Variants in PAIP2 observed in about 807,000 individuals in gnomAD.
PAIP2 encodes the protein poly(A) binding protein interacting protein 2, also known as polyadenylate-binding protein-interacting protein 2.
In PAIP2, 7 loss-of-function variants were observed where a neutral mutation model predicts 14.8. The ratio of observed to expected loss-of-function variants is 0.47; its 90% CI spans 0.27 to 0.89. PAIP2 has a LOEUF of 0.89. Ranked by LOEUF, PAIP2 falls within the 40% of genes least tolerant of loss-of-function variation. The probability of loss-of-function intolerance (pLI) is 0.13; values close to 1 mark genes in which losing one functional copy is unlikely to be tolerated. For missense variants in PAIP2, 122 were observed against 154.7 expected, an observed-to-expected ratio of 0.79 and a Z score of 1.12; for synonymous variants, 47 against 45.3, an observed-to-expected ratio of 1.04 and a Z score of -0.15.
chr5:139,347,542 G>C (rs949216563), intron 1 of PAIP2, among the ~76,000 whole-genome samples: 15 of 152,010 alleles, frequency 9.9e-5, no homozygotes, highest in Admixed American at 9.8e-4. Context: ...CCAAAGTGGT[G>C]GGATTACAGG....
At chr5:139,363,685 G>T in intron 1 of PAIP2, 74 bp from the exon 2 acceptor site, 1 of 1,323,984 alleles carries the variant, frequency 7.6e-7, no homozygotes. Flanking sequence ...CCTGGATGAC[G>T]GAGTGAAACC....
intron 3 of PAIP2, among the ~76,000 whole-genome samples, chr5:139,365,271 A>G (rs1014319840): frequency 1.3e-5 from 2 of 152,032 alleles, no homozygotes; most frequent in Non-Finnish European, 2.9e-5. Flanking sequence ...GGATCACCTG[A>G]GGTCAGGAGT....
At chr5:139,347,197 C>G (rs1429391475) in intron 1 of PAIP2, among the ~76,000 whole-genome samples, 1 of 149,956 alleles carries the variant, frequency 6.7e-6, no homozygotes, top group East Asian at 2.0e-4. Context: ...ACAGGAAGCA[C>G]AGACATCTCA....
intron 1 of PAIP2, among the ~76,000 whole-genome samples, chr5:139,352,827 A>C (rs958966020): frequency 2.6e-5 from 4 of 151,162 alleles, no homozygotes; most frequent in Admixed American, 6.6e-5. Context: ...TAAGATAGTA[A>C]CAGATGAGGC....
chr5:139,364,882 C>T (rs1005947015), intron 3 of PAIP2, 139 bp downstream of exon 3: 15 of 591,536 alleles, frequency 2.5e-5, no homozygotes, highest in Admixed American at 3.2e-5. Context: ...ATGTGGCTCA[C>T]GCCTGTAATC....
In PAIP2 at chr5:139,364,489, A is replaced by T. The variant is rs1026853563; in HGVS notation, c.139-75A>T. 12 of 829,654 alleles carry T rather than the reference A, an allele frequency of 1.4e-5. No individual in the cohort carries two copies. In the African/African-American group the frequency reaches 2.1e-4, roughly 14 times the overall value. 51.4% of individuals were successfully genotyped at this position (829,654 alleles called of 1,614,324 possible). On this transcript the variant is annotated intron_variant, in intron 2 of 3. Transcript: ENST00000265192. ...ATGACTTTGTGCCTTTAAATGGTTT[A>T]GTTCAAGATATTTTAAGCCATTCCT...
At chr5:139,346,688 T>C (rs1033969747) in intron 1 of PAIP2, among the ~76,000 whole-genome samples, 3 of 149,372 alleles carry the variant, frequency 2.0e-5, no homozygotes, top group Non-Finnish European at 3.0e-5. Flanking sequence ...TGCACCTCCA[T>C]GTCCAGCTAA....
chr5:139,362,661 C>T (rs1462385597), intron 1 of PAIP2, among the ~76,000 whole-genome samples: 3 of 151,888 alleles, frequency 2.0e-5, no homozygotes, highest in South Asian at 2.1e-4. Flanking sequence ...CCACCTGCCT[C>T]GGCCTCCCAA....
At position 139,369,606 on chromosome 5, in the gene PAIP2, G is replaced by A. The variant is rs989144903; in HGVS notation, c.*808G>A. On this transcript the variant is annotated 3_prime_UTR_variant, in exon 4 of 4. Transcript: ENST00000265192. ...TTGGCTTCTTAAACTTCATATTTGG[G>A]TAGGTTAAGCTGCCATACGTGTTCA... The A allele has an allele frequency of 4.6e-5, 7 of 152,664 alleles. No individual in the cohort carries two copies. Among genetic ancestry groups the A allele is most frequent in the African/African-American group, 1.7e-4 (7 of 41,544 alleles). The allele number at this position is 152,664 out of a possible 1,614,324, so 9.5% of individuals were successfully genotyped here.
Position 139,351,788 on chromosome 5 carries a change from A to C in PAIP2, c.-27+9808A>C, listed in dbSNP as rs562184514. On this transcript the variant is annotated intron_variant, in intron 1 of 3. Transcript: ENST00000265192. ...ATCCTCCTGTCTCAGCTTTCCAAGT[A>C]ATTGGGTCTACAGGTGAACACCACC... 2.0e-5 allele frequency among the ~76,000 whole-genome samples: 3 copies of C among 152,114 alleles called. No homozygotes were observed. The South Asian group carries it at 6.2e-4, about 32-fold the overall frequency.
intron 1 of PAIP2, chr5:139,343,424 CTT>C (rs372332442): frequency 1.8e-4 from 28 of 152,302 alleles, no homozygotes; most frequent in African/African-American, 6.3e-4. Flanking sequence ...ATTTCACCCT[CTT>C]TTGGTCAGAA....
At chr5:139,364,022 G>C in intron 2 of PAIP2, 100 bp downstream of exon 2, 1 of 993,354 alleles carries the variant, frequency 1.0e-6, no homozygotes, top group Non-Finnish European at 1.5e-6. Flanking sequence ...TATGTATAAA[G>C]TATGTAGACT....
chr5:139,365,462 C>T (rs1359470679), intron 3 of PAIP2, among the ~76,000 whole-genome samples: 2 of 151,514 alleles, frequency 1.3e-5, no homozygotes, highest in Non-Finnish European at 2.9e-5. Flanking sequence ...TGCACTCCAG[C>T]CTGGGCAACA....
chr5:139,355,563 ATACT>A (rs1330255211), intron 1 of PAIP2, among the ~76,000 whole-genome samples: 1 of 152,138 alleles, frequency 6.6e-6, no homozygotes, highest in Non-Finnish European at 1.5e-5. Context: ...CTCTTTTAAC[ATACT>A]TAATATACTT....
At chr5:139,355,250 A>G (rs1340856096) in intron 1 of PAIP2, among the ~76,000 whole-genome samples, 2 of 149,014 alleles carry the variant, frequency 1.3e-5, no homozygotes, top group African/African-American at 5.0e-5. Context: ...GTTCACTGCA[A>G]CCTCCACTTC....
intron 1 of PAIP2, among the ~76,000 whole-genome samples, chr5:139,357,763 A>G (rs1265415040): frequency 6.6e-6 from 1 of 152,156 alleles, no homozygotes; most frequent in Non-Finnish European, 1.5e-5. Context: ...CCTAGGAGGC[A>G]GAGGTTGCAA....
chr5:139,354,462 A>G (rs1274683991), intron 1 of PAIP2, among the ~76,000 whole-genome samples: 3 of 152,104 alleles, frequency 2.0e-5, no homozygotes, highest in South Asian at 2.1e-4. Flanking sequence ...TCTTTCAACA[A>G]TTCGATTGTA....
rs893022306 is a variant in PAIP2 at position 139,342,704 on chromosome 5, C to T, written c.-27+724C>T. On this transcript the variant is annotated intron_variant, in intron 1 of 3. Coordinates refer to ENST00000265192, the MANE Select transcript of PAIP2 (RefSeq NM_016480.5). ...TTTAATAATTTTCTGTGCTTACTCT[C>T]CTCCTTCCCCACCATCGCCACCAGA... The T allele has an allele frequency of 2.2e-4, 33 of 152,298 alleles. 1 individual carries two copies. Among genetic ancestry groups the T allele is most frequent in the African/African-American group, 7.9e-4 (33 of 41,556 alleles). The allele number at this position is 152,298 out of a possible 1,614,324, so 9.4% of individuals were successfully genotyped here. A position where few individuals can be genotyped will look rare whatever the true frequency, so the allele number is the denominator to read the frequency against.
In PAIP2 at chr5:139,364,599, A is replaced by G; in HGVS notation, c.174A>G (p.Glu58=). Residue 58 remains glutamate (E), a synonymous_variant, in exon 3 of 4, where the codon GAA becomes GAG. Coordinates refer to ENST00000265192, the MANE Select transcript of PAIP2 (RefSeq NM_016480.5). ...AGTTATGGGAAGAAGAATTTATTGA[A>G]CGCTGTTTCCAAGAAATGCTGGAAG... The part of the protein sequence containing the change: ...EEELWEEEFI[E]RCFQEMLEEE... 6.2e-7 allele frequency: 1 copy of G among 1,609,288 alleles called. No homozygotes were observed. Among genetic ancestry groups the G allele is most frequent in the Admixed American group, 1.7e-5 (1 of 59,996 alleles).
Sources: gnomAD v4.1 joint callset for allele counts (sites outside exome capture counted in the v4.1 genomes callset) on GRCh38, gnomAD v4.1.1 for gene constraint, MANE v1.5 for transcripts, NCBI Gene and HGNC (gene_info 2026-07-23, HGNC 2026-07-21) for gene names.